Variants in SORT1 observed in about 807,000 individuals in gnomAD.
The protein encoded by SORT1 is sortilin.
SORT1 carries 39 observed loss-of-function variants against 101.7 expected under a neutral mutation model. The observed-to-expected ratio is 0.38, with a 90% CI of 0.30 to 0.50. SORT1 has a LOEUF of 0.50. Among genes scored for constraint, SORT1 ranks in the 20% least tolerant of loss-of-function variants. The pLI is 0.90. For synonymous variants in SORT1, 396 were observed against 393.7 expected (o/e 1.01, Z -0.07); for missense variants, 878 against 1,040.4 (o/e 0.84, Z 2.15).
At chr1:109,353,296 C>T (rs924130788) in intron 5 of SORT1, among the ~76,000 whole-genome samples, 2 of 149,072 alleles carry the variant, frequency 1.3e-5, no homozygotes, top group African/African-American at 5.0e-5. Flanking sequence ...CCATTGCACT[C>T]CAGCCTGGGC....
chr1:109,360,456 C>A (rs1368770611), intron 3 of SORT1, among the ~76,000 whole-genome samples: 3 of 152,076 alleles, frequency 2.0e-5, no homozygotes, highest in Non-Finnish European at 2.9e-5. Flanking sequence ...CCTTAGCCTC[C>A]CAAGTAGCTA....
At chr1:109,347,301 A>T (rs1649669925) in intron 7 of SORT1, among the ~76,000 whole-genome samples, 182 bp downstream of exon 7, 2 of 152,180 alleles carry the variant, frequency 1.3e-5, no homozygotes, top group Non-Finnish European at 2.9e-5. Flanking sequence ...TTTTTACTTG[A>T]TCTGGGTAGT....
intron 11 of SORT1, among the ~76,000 whole-genome samples, chr1:109,328,275 T>G (rs1252562852): frequency 6.6e-6 from 1 of 152,264 alleles, no homozygotes; most frequent in Non-Finnish European, 1.5e-5. Context: ...AATTGCTGGA[T>G]ATGATAATCC....
At chr1:109,325,231 C>CTTTTTT (rs35552184) in intron 13 of SORT1, 142 bp from the exon 14 acceptor site, 8 of 190,574 alleles carry the variant, frequency 4.2e-5, no homozygotes, top group South Asian at 1.2e-4. Flanking sequence ...ATTATTTTAA[C>CTTTTTT]TTTTTTTTTT....
rs1364856552 is a variant in SORT1 at position 109,340,573 on chromosome 1, AC to A, written c.1264+150del. The A allele has an allele frequency of 9.4e-6, 7 of 744,036 alleles. No individual in the cohort carries two copies. The East Asian group carries it at 1.9e-4, about 20-fold the overall frequency. The allele number at this position is 744,036 out of a possible 1,614,324, so 46.1% of individuals were successfully genotyped here. A position where few individuals can be genotyped will look rare whatever the true frequency, so the allele number is the denominator to read the frequency against. On this transcript the variant is annotated intron_variant, in intron 10 of 19. Coordinates refer to ENST00000256637, the MANE Select transcript of SORT1 (RefSeq NM_002959.7). Reference sequence around the variant, plus strand: ...TGCAAATTTTGTTAGACATATTGCCACAATAAAAAAAAAAAAGGAAACAAAA... The same window carrying A: ...TGCAAATTTTGTTAGACATATTGCCAAATAAAAAAAAAAAAGGAAACAAAA...
intron 11 of SORT1, among the ~76,000 whole-genome samples, chr1:109,328,294 A>AT (rs1282226581): frequency 1.3e-5 from 2 of 151,978 alleles, no homozygotes; most frequent in East Asian, 1.9e-4. Context: ...CCTATTTTTA[A>AT]TTTTTTTTAG....
chr1:109,341,187 T>G (rs113718698), intron 9 of SORT1, among the ~76,000 whole-genome samples: 123 of 152,336 alleles, frequency 8.1e-4, no homozygotes, highest in African/African-American at 2.8e-3. Flanking sequence ...ATGTTTAGTT[T>G]ACATATTTTT....
intron 10 of SORT1, among the ~76,000 whole-genome samples, chr1:109,340,088 G>A (rs1211453674): frequency 1.4e-5 from 2 of 145,274 alleles, no homozygotes; most frequent in Non-Finnish European, 3.0e-5. Context: ...GACCAAGGTT[G>A]CAGTGAGCTG....
intron 11 of SORT1, among the ~76,000 whole-genome samples, chr1:109,332,485 G>C (rs908567480): frequency 6.6e-6 from 1 of 152,150 alleles, no homozygotes; most frequent in Admixed American, 6.5e-5. Flanking sequence ...TGGGAGGATT[G>C]TGTGAGCCTA....
intron 13 of SORT1, among the ~76,000 whole-genome samples, chr1:109,326,054 CTT>C (rs541173445): frequency 1.3e-4 from 17 of 134,618 alleles, no homozygotes; most frequent in Admixed American, 3.0e-4. Context: ...ACTTATACTT[CTT>C]TTTTTTTTTT....
At chr1:109,334,792 C>G (rs1349504031) in intron 11 of SORT1, among the ~76,000 whole-genome samples, 1 of 151,972 alleles carries the variant, frequency 6.6e-6, no homozygotes, top group East Asian at 1.9e-4. Flanking sequence ...TGTAAATATA[C>G]AATTTTTGTC....
In SORT1 at chr1:109,317,938, A is replaced by T; in HGVS notation, c.2056T>A (p.Ser686Thr). ...AGTTCTGGCTGTTCCACACACTTGG[A>T]GTCATTTTCTGGACGGTAGTAGCCA... ...DFGYYRPEND[S>T]KCVEQPELKG... Residue 686 changes from serine to threonine, a missense_variant, in exon 16 of 20, where the codon TCC becomes ACC. Ser to Thr is a moderately conservative substitution (Grantham distance 58, BLOSUM62 1). This residue lies in a region of SORT1 where 684 missense variants were observed against 894.5 expected (regional missense o/e 0.76). Transcript: ENST00000256637. 6.2e-7 allele frequency: 1 copy of T among 1,614,016 alleles called. No homozygotes were observed. The highest frequency in any genetic ancestry group is 1.1e-5 in the South Asian group (1 of 91,086).
rs559145204 is a variant in SORT1, at chr1:109,333,815, G to A, written c.1371+2425C>T. On this transcript the variant is annotated intron_variant, in intron 11 of 19. Transcript: ENST00000256637. The stretch of plus-strand genomic sequence containing the variant: ...GTTGGTGGGAATGTAAACTGGTACA[G>A]CCATTATGCAATACCGTAAGAAATT... Among the ~76,000 whole-genome samples the A allele has an allele frequency of 6.8e-4, 104 of 152,348 alleles. 2 individuals are homozygous for A. Among genetic ancestry groups the A allele is most frequent in the Middle Eastern group, 3.4e-3 (1 of 294 alleles).
rs183248507 is a variant in SORT1 at position 109,312,766 on chromosome 1, T to G, written c.*1277A>C. 2 of 152,420 alleles carry G rather than the reference T, an allele frequency of 1.3e-5. No homozygotes were observed. The highest frequency in any genetic ancestry group is 3.9e-4 in the East Asian group (2 of 5,192). The allele number at this position is 152,420 out of a possible 1,614,324, so 9.4% of individuals were successfully genotyped here. A position where few individuals can be genotyped will look rare whatever the true frequency, so the allele number is the denominator to read the frequency against. On this transcript the variant is annotated 3_prime_UTR_variant, in exon 20 of 20. Coordinates refer to ENST00000256637, the MANE Select transcript of SORT1 (RefSeq NM_002959.7). ...AATCCACCCAACTACATTCTATAATTTATTTAATTTAGAGAGGTATCAAAT... is the reference window on the plus strand; with the variant it reads ...AATCCACCCAACTACATTCTATAATGTATTTAATTTAGAGAGGTATCAAAT...
chr1:109,327,988 C>T lies in SORT1; in HGVS notation c.1372-387G>A, dbSNP rs540577034. On this transcript the variant is annotated intron_variant, in intron 11 of 19. Coordinates refer to ENST00000256637, the MANE Select transcript of SORT1 (RefSeq NM_002959.7). ...ATAATATTTGTCATTTTGTGTCTGA[C>T]TTATTTCACTTGGCATAATGTCCTC... Among the ~76,000 whole-genome samples, 4 of 152,290 alleles carry T rather than the reference C, an allele frequency of 2.6e-5. No individual in the cohort carries two copies. In the South Asian group the frequency reaches 8.3e-4, roughly 32 times the overall value.
chr1:109,390,425 C>CT (rs1415553725), intron 1 of SORT1, among the ~76,000 whole-genome samples: 1 of 152,072 alleles, frequency 6.6e-6, no homozygotes, highest in Non-Finnish European at 1.5e-5. Flanking sequence ...CCAAACAATC[C>CT]TAAGAGCTGC....
intron 14 of SORT1, among the ~76,000 whole-genome samples, chr1:109,323,989 A>C (rs1323205162): frequency 6.6e-6 from 1 of 152,206 alleles, no homozygotes; most frequent in Non-Finnish European, 1.5e-5. Context: ...GGAGTCACTA[A>C]ATCAACACGC....
At chr1:109,339,740 C>T (rs1307449598) in intron 10 of SORT1, among the ~76,000 whole-genome samples, 2 of 152,172 alleles carry the variant, frequency 1.3e-5, no homozygotes, top group Non-Finnish European at 2.9e-5. Context: ...TACATATATC[C>T]CCAAAGGAAC....
At chr1:109,390,778 TGTGTGTGTGTGTGTGTGTGTGC>T (rs1328751903) in intron 1 of SORT1, among the ~76,000 whole-genome samples, 4 of 135,872 alleles carry the variant, frequency 2.9e-5, no homozygotes, top group Non-Finnish European at 6.3e-5. Context: ...TGTATGTGTG[TGTGTGTGTGTGTGTGTGTGTGC>T]GCGCGCGCGT....
Sources: allele counts gnomAD v4.1 joint callset (sites outside exome capture counted in the v4.1 genomes callset), GRCh38; gene constraint gnomAD v4.1.1; regional missense constraint gnomAD v4.1.1; transcripts MANE v1.5; gene names NCBI Gene and HGNC (gene_info 2026-07-23, HGNC 2026-07-21).